Variants in TENM1 observed in about 807,000 individuals in gnomAD.
TENM1 encodes teneurin transmembrane protein 1, also known as teneurin-1.
In TENM1, 35 loss-of-function variants were observed where a neutral mutation model predicts 174.8. The observed-to-expected ratio is 0.20, with a 90% CI of 0.15 to 0.27. TENM1 has a LOEUF of 0.27. Among genes scored for constraint, TENM1 ranks in the 10% least tolerant of loss-of-function variants. The pLI is 1.00. For missense variants in TENM1, 1,633 were observed against 2,130.1 expected, an observed-to-expected ratio of 0.77 and a Z score of 4.59; for synonymous variants, 781 against 798.7, an observed-to-expected ratio of 0.98 and a Z score of 0.37.
chrX:124,570,943 TATAA>T (rs1307154750), intron 11 of TENM1, among the ~76,000 whole-genome samples: 1 of 111,498 alleles, frequency 9.0e-6, no homozygotes. Context: ...AGGAAACTTG[TATAA>T]ACACTGAAAA....
At chrX:124,586,971 C>T (rs1185605514) in intron 11 of TENM1, among the ~76,000 whole-genome samples, 114 of 111,047 alleles carry the variant, frequency 1.0e-3, no homozygotes, top group African/African-American at 3.5e-3. Context: ...CCTTGGAATC[C>T]AACCTACAAA....
At chrX:124,537,664 T>C (rs182982318) in intron 15 of TENM1, among the ~76,000 whole-genome samples, 175 of 112,107 alleles carry the variant, frequency 1.6e-3, no homozygotes, top group Non-Finnish European at 2.6e-3. Flanking sequence ...GGAGTGTGTG[T>C]AGTGGAGATG....
At chrX:125,101,453 G>T in the TENM1 span, among the ~76,000 whole-genome samples, 1 of 111,905 alleles carries the variant, frequency 8.9e-6, no homozygotes, top group African/African-American at 3.3e-5. Context: ...AACTTGTTCT[G>T]AATACACTAA....
the TENM1 span, among the ~76,000 whole-genome samples, chrX:125,155,007 G>A: frequency 7.9e-3 from 877 of 111,695 alleles, 19 homozygotes; most frequent in African/African-American, 0.027. Context: ...GGGGACCCAA[G>A]CGGGTTGCCA....
At chrX:124,723,686 C>T (rs763479828) in intron 4 of TENM1, among the ~76,000 whole-genome samples, 10 of 105,607 alleles carry the variant, frequency 9.5e-5, no homozygotes, top group Non-Finnish European at 1.4e-4. Flanking sequence ...CTGCAACTTC[C>T]GCCTCCCGGG....
intron 3 of TENM1, among the ~76,000 whole-genome samples, chrX:124,807,083 C>G (rs753659606): frequency 3.5e-4 from 39 of 111,139 alleles, no homozygotes; most frequent in Non-Finnish European, 6.6e-4. Flanking sequence ...CAAGAGAGGG[C>G]AGGGGAGGTG....
At chrX:125,112,008 T>A in the TENM1 span, among the ~76,000 whole-genome samples, 1 of 111,345 alleles carries the variant, frequency 9.0e-6, no homozygotes, top group East Asian at 2.8e-4. Context: ...TAATAATCTT[T>A]CTTTACCCCT....
intron 11 of TENM1, among the ~76,000 whole-genome samples, chrX:124,566,941 C>G (rs5958526): frequency 0.036 from 4,067 of 111,730 alleles, 79 homozygotes; most frequent in African/African-American, 0.068. Flanking sequence ...AGTAATAATA[C>G]TTATACATCA....
chrX:124,839,996 T>C (rs1048413334), intron 3 of TENM1, among the ~76,000 whole-genome samples: 5 of 111,751 alleles, frequency 4.5e-5, no homozygotes, highest in African/African-American at 1.6e-4. Flanking sequence ...TTCTTATAAG[T>C]TGGACATGTG....
intron 11 of TENM1, among the ~76,000 whole-genome samples, chrX:124,604,582 T>C (rs1163839855): frequency 9.0e-6 from 1 of 111,494 alleles, no homozygotes; most frequent in Non-Finnish European, 1.9e-5. Context: ...CCAGATCTGC[T>C]ACTTATTAGC....
In TENM1 at chrX:124,886,546, T is replaced by TAGAG. The variant is rs1486537193; in HGVS notation, c.535+7749_535+7750insCTCT. ...ACATATATATATATATATATATATATATAGAGAGAGAGAGAGAGAGAGAGA... is the reference window on the plus strand; with the variant it reads ...ACATATATATATATATATATATATATAGAGATAGAGAGAGAGAGAGAGAGAGAGA... On this transcript the variant is annotated intron_variant, in intron 3 of 31. Transcript: ENST00000422452. Among the ~76,000 whole-genome samples the TAGAG allele has an allele frequency of 8.7e-3, 665 of 76,015 alleles. 3 individuals carry two copies. The highest frequency in any genetic ancestry group is 0.012 in the African/African-American group (223 of 18,495). 66.0% of individuals were successfully genotyped at this position (76,015 alleles called of 115,157 possible).
chrX:124,969,887 A>C, the TENM1 span, among the ~76,000 whole-genome samples: 1 of 112,183 alleles, frequency 8.9e-6, no homozygotes, highest in African/African-American at 3.2e-5. Context: ...CAACTCTAAA[A>C]TTCTACAATT....
At chrX:125,148,431 T>C in the TENM1 span, among the ~76,000 whole-genome samples, 1 of 111,531 alleles carries the variant, frequency 9.0e-6, no homozygotes, top group Non-Finnish European at 1.9e-5. Flanking sequence ...CTTCTCTTTT[T>C]CTACCAGCTT....
At chrX:124,525,115 C>T (rs185277037) in intron 16 of TENM1, among the ~76,000 whole-genome samples, 16 of 111,842 alleles carry the variant, frequency 1.4e-4, no homozygotes, top group African/African-American at 4.9e-4. Context: ...TATAGTATTA[C>T]CAATCGTGTT....
intron 11 of TENM1, among the ~76,000 whole-genome samples, chrX:124,590,556 C>T (rs995203873): frequency 9.0e-6 from 1 of 111,405 alleles, no homozygotes; most frequent in Admixed American, 9.5e-5. Flanking sequence ...CCATACTGCC[C>T]AAGGTAATTT....
At chrX:124,453,147 G>A (rs186912289) in intron 23 of TENM1, among the ~76,000 whole-genome samples, 190 bp downstream of exon 26, 66 of 111,412 alleles carry the variant, frequency 5.9e-4, no homozygotes, top group African/African-American at 2.1e-3. Flanking sequence ...TTCCATCCTC[G>A]CTTACCATTT....
chrX:125,037,790 C>T, the TENM1 span, among the ~76,000 whole-genome samples: 1 of 111,531 alleles, frequency 9.0e-6, no homozygotes, highest in African/African-American at 3.3e-5. Context: ...TCCTTTTAAT[C>T]TTTCCTCATA....
At chrX:124,647,824 A>T (rs1016126906) in intron 8 of TENM1, among the ~76,000 whole-genome samples, 14 of 108,068 alleles carry the variant, frequency 1.3e-4, no homozygotes, top group African/African-American at 4.7e-4. Flanking sequence ...GCATTCTTGG[A>T]CTCTGAGTTT....
the TENM1 span, among the ~76,000 whole-genome samples, chrX:125,118,173 G>A: frequency 0.099 from 10,925 of 110,492 alleles, 1,326 homozygotes; most frequent in African/African-American, 0.34. Context: ...CTAAACAAAG[G>A]GTATGCATGG....
Sources: gnomAD v4.1 joint callset for allele counts (sites outside exome capture counted in the v4.1 genomes callset) on GRCh38, gnomAD v4.1.1 for gene constraint, MANE v1.5 for transcripts, NCBI Gene and HGNC (gene_info 2026-07-23, HGNC 2026-07-21) for gene names.